Variants in GRIK3 observed in about 807,000 individuals in gnomAD.
GRIK3 encodes the protein glutamate receptor ionotropic, kainate 3.
In GRIK3, 29 loss-of-function variants were observed where a neutral mutation model predicts 102.5. The ratio of observed to expected loss-of-function variants is 0.28; its 90% CI spans 0.21 to 0.39. The LOEUF (loss-of-function observed/expected upper bound fraction) is 0.39, where lower values mean the gene tolerates loss of function less well. GRIK3 is among the 10% of genes least tolerant of loss of function. The pLI is 1.00. For missense variants in GRIK3, 908 were observed against 1,252.4 expected, an observed-to-expected ratio of 0.73 and a Z score of 4.15; for synonymous variants, 511 against 504.9, an observed-to-expected ratio of 1.01 and a Z score of -0.16.
intron 1 of GRIK3, among the ~76,000 whole-genome samples, chr1:37,001,205 G>A (rs1032024145): frequency 6.6e-6 from 1 of 152,212 alleles, no homozygotes; most frequent in Non-Finnish European, 1.5e-5. Flanking sequence ...GCTCCCATGA[G>A]CCAATGGCTT....
intron 1 of GRIK3, among the ~76,000 whole-genome samples, chr1:37,018,760 T>C (rs1642679657): frequency 6.6e-6 from 1 of 152,130 alleles, no homozygotes; most frequent in African/African-American, 2.4e-5. Flanking sequence ...GATGCCTGCA[T>C]TGATGGATCA....
chr1:36,970,872 A>G (rs192975113), intron 1 of GRIK3, among the ~76,000 whole-genome samples: 2 of 152,326 alleles, frequency 1.3e-5, no homozygotes, highest in Admixed American at 6.5e-5. Flanking sequence ...GCCTTTCACT[A>G]CCACAAGAAG....
chr1:36,867,828 C>T (rs553651006), intron 5 of GRIK3, among the ~76,000 whole-genome samples: 50 of 152,252 alleles, frequency 3.3e-4, no homozygotes, highest in African/African-American at 1.1e-3. Context: ...GCTCCAAGTC[C>T]CAGCCGTAAA....
chr1:36,816,601 C>G (rs1394433422), intron 13 of GRIK3, among the ~76,000 whole-genome samples: 1 of 152,196 alleles, frequency 6.6e-6, no homozygotes, highest in Non-Finnish European at 1.5e-5. Context: ...AACACTTGTT[C>G]AAGTTCTAAG....
intron 1 of GRIK3, among the ~76,000 whole-genome samples, chr1:36,896,777 T>C (rs1641176981): frequency 6.6e-6 from 1 of 152,152 alleles, no homozygotes; most frequent in Non-Finnish European, 1.5e-5. Context: ...CTATTTTAAC[T>C]ATACAGGTGC....
intron 9 of GRIK3, among the ~76,000 whole-genome samples, chr1:36,845,626 C>A (rs1570756825): frequency 6.6e-6 from 1 of 152,224 alleles, no homozygotes. Flanking sequence ...GCCACACATG[C>A]ACGCACAAGT....
At chr1:36,888,446 G>A (rs186127131) in intron 2 of GRIK3, among the ~76,000 whole-genome samples, 157 of 152,260 alleles carry the variant, frequency 1.0e-3, no homozygotes, top group African/African-American at 3.1e-3. Context: ...GATTTGGGTG[G>A]CAGTTCCTTT....
intron 9 of GRIK3, among the ~76,000 whole-genome samples, chr1:36,844,562 G>C (rs1004192615): frequency 6.6e-5 from 10 of 152,220 alleles, no homozygotes; most frequent in Non-Finnish European, 1.3e-4. Flanking sequence ...AAGGATCAGA[G>C]AGAAGGTACC....
chr1:36,957,607 GTGTGCCCTGTGACTGTGCCCCGTAAGCC>G (rs1292981873), intron 1 of GRIK3, among the ~76,000 whole-genome samples: 3 of 144,650 alleles, frequency 2.1e-5, no homozygotes, highest in Non-Finnish European at 3.0e-5. Context: ...CCGTGAGCCT[GTGTGCCCTGTGACTGTGCCCCGTAAGCC>G]TGTGCCCCAT....
intron 1 of GRIK3, among the ~76,000 whole-genome samples, chr1:36,900,326 TCTC>T (rs1336624658): frequency 6.6e-6 from 1 of 151,834 alleles, no homozygotes; most frequent in African/African-American, 2.4e-5. Flanking sequence ...TCTTCCTCCT[TCTC>T]CTCCTCCTCC....
At position 36,887,389 on chromosome 1, in the gene GRIK3, G is replaced by A. The variant is rs549461716; in HGVS notation, c.292+3531C>T. On this transcript the variant is annotated intron_variant, in intron 2 of 15. Coordinates refer to ENST00000373091, the MANE Select transcript of GRIK3 (RefSeq NM_000831.4). ...CCTCAAAAGAAACTGTTAAGAGAAT[G>A]TAAAGGGAAGCCCACATGTAATGCA... 2.6e-5 allele frequency among the ~76,000 whole-genome samples: 4 copies of A among 152,306 alleles called. No homozygotes were observed. In the South Asian group the frequency reaches 6.2e-4, roughly 24 times the overall value.
intron 1 of GRIK3, among the ~76,000 whole-genome samples, chr1:36,895,276 G>T (rs1466843338): frequency 5.3e-5 from 8 of 152,148 alleles, no homozygotes; most frequent in Non-Finnish European, 1.2e-4. Context: ...ATAGTTTGAA[G>T]AGACAGAGCA....
At chr1:36,974,895 G>A (rs1642179827) in intron 1 of GRIK3, among the ~76,000 whole-genome samples, 1 of 151,868 alleles carries the variant, frequency 6.6e-6, no homozygotes, top group African/African-American at 2.4e-5. Context: ...GGCAAAACAC[G>A]AAAAGACAAA....
At chr1:36,941,274 C>T (rs1641716588) in intron 1 of GRIK3, among the ~76,000 whole-genome samples, 1 of 152,220 alleles carries the variant, frequency 6.6e-6, no homozygotes, top group Admixed American at 6.5e-5. Context: ...ACTCCAAGCG[C>T]CAGACACACA....
intron 13 of GRIK3, among the ~76,000 whole-genome samples, chr1:36,816,625 T>C (rs760642629): frequency 5.9e-5 from 9 of 152,198 alleles, no homozygotes; most frequent in African/African-American, 1.2e-4. Context: ...CCTCCCTTCC[T>C]CTCAAGATTT....
intron 10 of GRIK3, among the ~76,000 whole-genome samples, chr1:36,829,713 C>T (rs544190043): frequency 6.6e-6 from 1 of 152,288 alleles, no homozygotes; most frequent in South Asian, 2.1e-4. Flanking sequence ...TGTCCTCTAT[C>T]CTTGCATGAG....
chr1:36,852,885 T>G (rs368562074), intron 8 of GRIK3, among the ~76,000 whole-genome samples: 18 of 152,172 alleles, frequency 1.2e-4, no homozygotes, highest in African/African-American at 4.3e-4. Flanking sequence ...GGGCTCGTAT[T>G]AAATCTCCCT....
intron 2 of GRIK3, among the ~76,000 whole-genome samples, chr1:36,882,991 C>G (rs1640999849): frequency 6.6e-6 from 1 of 152,200 alleles, no homozygotes; most frequent in African/African-American, 2.4e-5. Flanking sequence ...ACTATGTGCA[C>G]ACATATGACA....
intron 1 of GRIK3, among the ~76,000 whole-genome samples, chr1:36,893,853 A>G (rs1641144749): frequency 6.6e-6 from 1 of 152,232 alleles, no homozygotes; most frequent in Non-Finnish European, 1.5e-5. Flanking sequence ...TTTTAAGTGA[A>G]CAGTGAGGGT....
Sources: gnomAD v4.1 joint callset for allele counts (sites outside exome capture counted in the v4.1 genomes callset) on GRCh38, gnomAD v4.1.1 for gene constraint, MANE v1.5 for transcripts, NCBI Gene and HGNC (gene_info 2026-07-23, HGNC 2026-07-21) for gene names.